FASTKD2: variants seen among roughly 807,000 people sequenced by gnomAD.
FASTKD2 encodes FAST kinase domain-containing protein 2, mitochondrial.
Under a neutral mutation model 63.6 loss-of-function variants are expected in FASTKD2, and 51 were observed. That is an observed-to-expected ratio of 0.80 (90% CI 0.64 to 1.01). The LOEUF is 1.01. FASTKD2 is among the 50% of genes least tolerant of loss of function. The probability of loss-of-function intolerance (pLI) is 0.00; values close to 1 mark genes in which losing one functional copy is unlikely to be tolerated. For synonymous variants in FASTKD2, 284 were observed against 293.4 expected (o/e 0.97, Z 0.33); for missense variants, 786 against 831.1 (o/e 0.95, Z 0.67).
rs1056666978 is a variant in FASTKD2, at chr2:206,792,993, G to A, written c.*1191G>A. On this transcript the variant is annotated 3_prime_UTR_variant, in exon 12 of 12. Transcript: ENST00000402774. ...TCATCCCAGCACTTGGGAGGCCGAG[G>A]TGGGCTGATCATGAGGTCAGGAGGT... Among the ~76,000 whole-genome samples, 1 of 152,080 alleles carries A rather than the reference G, an allele frequency of 6.6e-6. No homozygotes were observed. Among genetic ancestry groups the A allele is most frequent in the Non-Finnish European group, 1.5e-5 (1 of 67,996 alleles).
At chr2:206,780,216 C>T (rs114870321) in intron 7 of FASTKD2, among the ~76,000 whole-genome samples, 4,384 of 152,244 alleles carry the variant, frequency 0.029, 86 homozygotes, top group Non-Finnish European at 0.042. Context: ...GAGTTTTATA[C>T]TTTCCTGTGT....
At chr2:206,769,652 A>C (rs1313391597) in intron 2 of FASTKD2, among the ~76,000 whole-genome samples, 1 of 152,200 alleles carries the variant, frequency 6.6e-6, no homozygotes, top group African/African-American at 2.4e-5. Flanking sequence ...GATCTAGGGA[A>C]ATTGTAAAGG....
intron 11 of FASTKD2, 159 bp from the exon 12 acceptor site, chr2:206,791,524 G>A: frequency 3.0e-6 from 2 of 660,188 alleles, no homozygotes; most frequent in South Asian, 3.6e-5. Flanking sequence ...ACCCTAGCAT[G>A]TAGTCTTATT....
chr2:206,769,969 A>G (rs375785581), intron 2 of FASTKD2, 122 bp from the exon 3 acceptor site: 1 of 721,510 alleles, frequency 1.4e-6, no homozygotes, highest in Non-Finnish European at 2.6e-6. Flanking sequence ...GACTGACTGT[A>G]GGAATTGTTG....
intron 6 of FASTKD2, among the ~76,000 whole-genome samples, 174 bp from the exon 7 acceptor site, chr2:206,774,051 A>T (rs1689756730): frequency 6.6e-6 from 1 of 152,134 alleles, no homozygotes; most frequent in Non-Finnish European, 1.5e-5. Flanking sequence ...GAATTAATAG[A>T]ACAGATTTTG....
chr2:206,767,235 G>A lies in FASTKD2; in HGVS notation c.542G>A (p.Ser181Asn), dbSNP rs769622000. The change falls in exon 2 of 12, where the codon AGT becomes AAT. Residue 181 changes from serine (S) to asparagine (N), a missense_variant. Ser to Asn is a conservative substitution (Grantham distance 46). Coordinates refer to ENST00000402774, the MANE Select transcript of FASTKD2 (RefSeq NM_001136193.2). ...DAFSKAPTFP[S>N]SNYFTAMWTI... is the part of the protein sequence containing the mutation. ...TTTTCAAAAGCGCCCACATTTCCTA[G>A]TAGCAACTATTTCACAGCAATGTGG... 1 of 1,614,214 alleles carries A rather than the reference G, an allele frequency of 6.2e-7. No individual in the cohort carries two copies. Among genetic ancestry groups the A allele is most frequent in the South Asian group, 1.1e-5 (1 of 91,084 alleles).
Position 206,771,253 on chromosome 2 carries a change from GA to G in FASTKD2, c.957del (p.Asp320MetfsTer12). On this transcript the variant is annotated frameshift_variant, in exon 4 of 12. Coordinates refer to ENST00000402774, the MANE Select transcript of FASTKD2 (RefSeq NM_001136193.2). LOFTEE classifies it high-confidence loss of function. ...TTACAAGTTGTGATGAAGTGTATTG[GA>G]AAAGATGCACCGATTGCTCTTAAGA... ...FTLQVVMKCI[G>X]KDAPIALKRK... 1.2e-6 allele frequency: 2 copies of G among 1,611,610 alleles called. No homozygotes were observed. The highest frequency in any genetic ancestry group is 1.7e-6 in the Non-Finnish European group (2 of 1,177,862).
In FASTKD2 at chr2:206,792,950, C is replaced by G. The variant is rs1286097548; in HGVS notation, c.*1148C>G. 6.6e-6 allele frequency among the ~76,000 whole-genome samples: 1 copy of G among 152,094 alleles called. No individual in the cohort carries two copies. The highest frequency in any genetic ancestry group is 1.5e-5 in the Non-Finnish European group (1 of 68,014). The stretch of plus-strand genomic sequence containing the variant: ...AAGAAAATACAAAAACTGGGCTGGG[C>G]ACGGTGGCTCGTGCTTGTCATCCCA... On this transcript the variant is annotated 3_prime_UTR_variant, in exon 12 of 12. Coordinates refer to ENST00000402774, the MANE Select transcript of FASTKD2 (RefSeq NM_001136193.2).
chr2:206,770,234 G>A (rs41272659), intron 3 of FASTKD2, 40 bp downstream of exon 3: 30,142 of 1,242,856 alleles, frequency 0.024, 453 homozygotes, highest in Non-Finnish European at 0.03. Context: ...GGTTTTCTTT[G>A]TTCCTCATAT....
Position 206,793,498 on chromosome 2 carries a change from T to A in FASTKD2, c.*1696T>A, listed in dbSNP as rs969214471. Among the ~76,000 whole-genome samples, 1 of 152,120 alleles carries A rather than the reference T, an allele frequency of 6.6e-6. No individual in the cohort carries two copies. ...GTGTCCCAGGAGATCAGGCTTCTGG[T>A]TCCAGATTGGACAACCTCTAGTTTT... On this transcript the variant is annotated 3_prime_UTR_variant, in exon 12 of 12. Coordinates refer to ENST00000402774, the MANE Select transcript of FASTKD2 (RefSeq NM_001136193.2).
intron 1 of FASTKD2, among the ~76,000 whole-genome samples, chr2:206,766,091 C>A (rs1689444129): frequency 6.6e-6 from 1 of 151,674 alleles, no homozygotes; most frequent in East Asian, 1.9e-4. Flanking sequence ...GAAACTCCGT[C>A]TTTACAAAAA....
chr2:206,769,292 A>C (rs1023781228), intron 2 of FASTKD2, among the ~76,000 whole-genome samples: 1 of 152,144 alleles, frequency 6.6e-6, no homozygotes, highest in Non-Finnish European at 1.5e-5. Flanking sequence ...ACCATTTCTT[A>C]TTATTACCTG....
rs954353909 is a variant in FASTKD2 at position 206,771,183 on chromosome 2, A to G, written c.883A>G (p.Ile295Val). ...AATATTTATTGTGTTTGATAACAGA[A>G]TACTAGTTGATCAGCAAGTTTGGAA... The part of the protein sequence containing the change: ...NVHVLRTGFR[I>V]LVDQQVWKIE... The change falls in exon 4 of 12, where the codon ATA becomes GTA. Residue 295 changes from isoleucine to valine, a missense_variant and splice_region_variant. Coordinates refer to ENST00000402774, the MANE Select transcript of FASTKD2 (RefSeq NM_001136193.2). 4.6e-6 allele frequency: 7 copies of G among 1,513,644 alleles called. No homozygotes were observed. The highest frequency in any genetic ancestry group is 6.4e-6 in the Non-Finnish European group (7 of 1,089,046). The allele number at this position is 1,513,644 out of a possible 1,614,324, so 93.8% of individuals were successfully genotyped here.
chr2:206,778,548 G>A lies in FASTKD2; in HGVS notation c.1427+4151G>A, dbSNP rs10203545. ...AGTTTTCCTAAATCTGTTATGACTTGTTTTGTGACCTAACATATAGTCTGT... is the reference window on the plus strand; with the variant it reads ...AGTTTTCCTAAATCTGTTATGACTTATTTTGTGACCTAACATATAGTCTGT... On this transcript the variant is annotated intron_variant, in intron 7 of 11. Coordinates refer to ENST00000402774, the MANE Select transcript of FASTKD2 (RefSeq NM_001136193.2). Among the ~76,000 whole-genome samples the A allele has an allele frequency of 6.2e-3, 939 of 152,252 alleles. 8 individuals carry two copies. The highest frequency in any genetic ancestry group is 0.018 in the African/African-American group (751 of 41,558).
intron 7 of FASTKD2, among the ~76,000 whole-genome samples, chr2:206,780,747 G>A (rs1689950136): frequency 6.6e-6 from 1 of 151,790 alleles, no homozygotes; most frequent in Non-Finnish European, 1.5e-5. Context: ...TGCACACATT[G>A]GTTTGCTTGT....
rs773754189 is a variant in FASTKD2 at position 206,766,991 on chromosome 2, G to T, written c.298G>T (p.Ala100Ser). The T allele has an allele frequency of 2.4e-5, 38 of 1,613,044 alleles. No homozygotes were observed. Among genetic ancestry groups the T allele is most frequent in the Admixed American group, 1.8e-4 (11 of 59,986 alleles). ...AACAAAGGGCATAAGCACTCTAACA[G>T]CCCTTAGAATTGAAAGACTACTTTA... is the stretch of plus-strand genomic sequence containing the variant. Reference protein sequence around the residue: ...FQTKGISTLTALRIERLLYAK... With the variant: ...FQTKGISTLTSLRIERLLYAK... Residue 100 changes from alanine to serine, a missense_variant, in exon 2 of 12, where the codon GCC becomes TCC. By Grantham distance (99) the Ala-to-Ser change is moderately conservative (BLOSUM62 1). Transcript: ENST00000402774.
intron 7 of FASTKD2, among the ~76,000 whole-genome samples, chr2:206,782,233 G>A (rs1690009294): frequency 6.6e-6 from 1 of 152,184 alleles, no homozygotes; most frequent in East Asian, 1.9e-4. Context: ...CCTTGGTGCT[G>A]AGCTGTGCCG....
chr2:206,789,823 T>G (rs957162498), intron 10 of FASTKD2: 4 of 152,216 alleles, frequency 2.6e-5, no homozygotes, highest in African/African-American at 9.7e-5. Context: ...TCAGTTTTCT[T>G]TTTCGGGTAC....
chr2:206,766,550 GT>G, intron 1 of FASTKD2, 93 bp from the exon 2 acceptor site: 1 of 751,902 alleles, frequency 1.3e-6, no homozygotes, highest in Non-Finnish European at 2.3e-6. Flanking sequence ...GGCTCCATAG[GT>G]TCCCCATTTT....
Sources: allele counts gnomAD v4.1 joint callset (sites outside exome capture counted in the v4.1 genomes callset), GRCh38; gene constraint gnomAD v4.1.1; transcripts MANE v1.5; gene names NCBI Gene and HGNC (gene_info 2026-07-23, HGNC 2026-07-21).